Variants in GPRIN3 observed in about 807,000 individuals in gnomAD.
The protein encoded by GPRIN3 is GPRIN family member 3.
Under a neutral mutation model 13.7 loss-of-function variants are expected in GPRIN3, and 12 were observed. That is an observed-to-expected ratio of 0.87 (90% CI 0.56 to 1.42). The LOEUF is 1.42. Ranked by LOEUF, GPRIN3 falls within the 40% of genes most tolerant of loss-of-function variation. GPRIN3 has a pLI of 0.00. For missense variants in GPRIN3, 1,009 were observed against 958.7 expected, an observed-to-expected ratio of 1.05 and a Z score of -0.69; for synonymous variants, 377 against 372.7, an observed-to-expected ratio of 1.01 and a Z score of -0.13.
At chr4:89,306,744 T>C (rs1725044009) in intron 1 of GPRIN3, among the ~76,000 whole-genome samples, 2 of 152,176 alleles carry the variant, frequency 1.3e-5, no homozygotes, top group South Asian at 4.1e-4. Flanking sequence ...AACCTTGAAC[T>C]GCCTACACCC....
intron 1 of GPRIN3, among the ~76,000 whole-genome samples, chr4:89,286,538 T>C (rs1357916258): frequency 6.6e-6 from 1 of 152,204 alleles, no homozygotes; most frequent in Non-Finnish European, 1.5e-5. Context: ...AAAAGTTTTA[T>C]AGTTCTCTTG....
rs570267032 is a variant in GPRIN3, at chr4:89,247,704, A to C, written c.*76T>G. ...TTTCTTCCTAGTCTTGCAGCAAAAA[A>C]CTAAGCAAGCTTTGACATAGAGGGA... On this transcript the variant is annotated 3_prime_UTR_variant, in exon 2 of 2. Transcript: ENST00000609438. 5.5e-6 allele frequency: 8 copies of C among 1,452,470 alleles called. No homozygotes were observed. The East Asian group carries it at 1.8e-4, about 33-fold the overall frequency. The allele number at this position is 1,452,470 out of a possible 1,614,324, so 90.0% of individuals were successfully genotyped here.
intron 1 of GPRIN3, among the ~76,000 whole-genome samples, chr4:89,306,045 A>G (rs1725024915): frequency 6.6e-6 from 1 of 152,150 alleles, no homozygotes; most frequent in East Asian, 1.9e-4. Flanking sequence ...CTAGGCCTGC[A>G]ATTGCAATTG....
chr4:89,288,435 C>T (rs995440560), intron 1 of GPRIN3, among the ~76,000 whole-genome samples: 5 of 152,216 alleles, frequency 3.3e-5, no homozygotes, highest in Admixed American at 3.3e-4. Flanking sequence ...AAATGATTTT[C>T]TGGGTCAACT....
Position 89,239,643 on chromosome 4 carries a change from G to A in GPRIN3, c.*8137C>T, listed in dbSNP as rs1016879168. 6.6e-6 allele frequency: 1 copy of A among 152,096 alleles called. No homozygotes were observed. Among genetic ancestry groups the A allele is most frequent in the Non-Finnish European group, 1.5e-5 (1 of 68,020 alleles). 9.4% of individuals were successfully genotyped at this position (152,096 alleles called of 1,614,324 possible). ...GCCAAATGGAATTCTCTATCAAGGG[G>A]TGATTCTGGTATTTCCATTTATATT... On this transcript the variant is annotated 3_prime_UTR_variant, in exon 2 of 2. Coordinates refer to ENST00000609438, the MANE Select transcript of GPRIN3 (RefSeq NM_198281.3).
intron 1 of GPRIN3, among the ~76,000 whole-genome samples, chr4:89,299,374 G>A (rs1724831053): frequency 6.6e-6 from 1 of 152,136 alleles, no homozygotes. Context: ...GCACGAAGTG[G>A]GGGTGGTATG....
chr4:89,269,802 A>C (rs1723878407), intron 1 of GPRIN3, among the ~76,000 whole-genome samples: 1 of 152,216 alleles, frequency 6.6e-6, no homozygotes, highest in Non-Finnish European at 1.5e-5. Flanking sequence ...ATGTGGTTTG[A>C]GCACATAACC....
intron 1 of GPRIN3, among the ~76,000 whole-genome samples, chr4:89,255,496 AAT>A (rs1723441961): frequency 6.6e-6 from 1 of 152,188 alleles, no homozygotes; most frequent in Non-Finnish European, 1.5e-5. Flanking sequence ...AGAATATTGC[AAT>A]AGAGTAGAGA....
chr4:89,295,957 T>C lies in GPRIN3; in HGVS notation c.-124+11658A>G, dbSNP rs150130710. 8.5e-5 allele frequency among the ~76,000 whole-genome samples: 13 copies of C among 152,338 alleles called. 1 individual carries two copies. Among genetic ancestry groups the C allele is most frequent in the African/African-American group, 3.1e-4 (13 of 41,582 alleles). On this transcript the variant is annotated intron_variant, in intron 1 of 1. Coordinates refer to ENST00000609438, the MANE Select transcript of GPRIN3 (RefSeq NM_198281.3). ...AATTACAGGTTTGATGTACTTGTTA[T>C]ATTATTTTTTGTAGCATATATTTTT...
chr4:89,303,829 A>G lies in GPRIN3; in HGVS notation c.-124+3786T>C, dbSNP rs1013859857. Reference sequence around the variant, plus strand: ...TAAAAAATATATAAAATATGTATGTATGTATCTTATAACATCACGTTGTAT... The same window carrying G: ...TAAAAAATATATAAAATATGTATGTGTGTATCTTATAACATCACGTTGTAT... On this transcript the variant is annotated intron_variant, in intron 1 of 1. Coordinates refer to ENST00000609438, the MANE Select transcript of GPRIN3 (RefSeq NM_198281.3). Among the ~76,000 whole-genome samples the G allele has an allele frequency of 3.3e-5, 5 of 150,446 alleles. No homozygotes were observed. The Admixed American group carries it at 3.3e-4, about 10-fold the overall frequency.
In GPRIN3 at chr4:89,237,361, A is replaced by T. The variant is rs1722814571; in HGVS notation, c.*10419T>A. 6.6e-6 allele frequency: 1 copy of T among 152,214 alleles called. No homozygotes were observed. Among genetic ancestry groups the T allele is most frequent in the Non-Finnish European group, 1.5e-5 (1 of 68,050 alleles). 9.4% of individuals were successfully genotyped at this position (152,214 alleles called of 1,614,324 possible). ...GAAGTTCATTAAGAATGTGTATGCCATGGTCTAAATGTCTGTATCCCTCCA... is the reference window on the plus strand; with the variant it reads ...GAAGTTCATTAAGAATGTGTATGCCTTGGTCTAAATGTCTGTATCCCTCCA... On this transcript the variant is annotated 3_prime_UTR_variant, in exon 2 of 2. Transcript: ENST00000609438.
intron 1 of GPRIN3, among the ~76,000 whole-genome samples, chr4:89,272,640 T>C (rs1243706042): frequency 4.6e-5 from 7 of 152,182 alleles, no homozygotes; most frequent in Non-Finnish European, 2.9e-5. Flanking sequence ...ATTTAGGCTA[T>C]CACAAACTTT....
intron 1 of GPRIN3, among the ~76,000 whole-genome samples, chr4:89,258,559 A>G (rs1723544784): frequency 6.6e-6 from 1 of 152,168 alleles, no homozygotes; most frequent in Non-Finnish European, 1.5e-5. Context: ...GTGGAAAATC[A>G]TGGAAAAATG....
chr4:89,248,441 G>T lies in GPRIN3; in HGVS notation c.1670C>A (p.Ser557Ter). ...ATTGAGCAGTAGGGTTTTGGCATCCGAGGTATCAGTGCCAGTAGACTCTTT... is the reference window on the plus strand; with the variant it reads ...ATTGAGCAGTAGGGTTTTGGCATCCTAGGTATCAGTGCCAGTAGACTCTTT... ...KEKESTGTDT[S>*]DAKTLLLNPK... is the part of the protein sequence containing the mutation. The change falls in exon 2 of 2, where the codon TCG becomes TAG. Residue 557 changes from serine to a stop codon, truncating the protein, a stop_gained. Transcript: ENST00000609438. LOFTEE classifies it low-confidence loss of function (END_TRUNC). The T allele has an allele frequency of 1.2e-6, 2 of 1,614,084 alleles. No homozygotes were observed. Among genetic ancestry groups the T allele is most frequent in the Non-Finnish European group, 1.7e-6 (2 of 1,179,976 alleles).
At position 89,254,305 on chromosome 4, in the gene GPRIN3, G is replaced by C. The variant is rs114509804; in HGVS notation, c.-123-4072C>G. Among the ~76,000 whole-genome samples the C allele has an allele frequency of 5.3e-3, 808 of 151,890 alleles. 7 individuals carry two copies. The highest frequency in any genetic ancestry group is 0.018 in the African/African-American group (750 of 41,374). Reference sequence around the variant, plus strand: ...GGGTAAACTCATGTAACAGGGGTTTGCTGAACAGATTATTTCATCACCCAG... The same window carrying C: ...GGGTAAACTCATGTAACAGGGGTTTCCTGAACAGATTATTTCATCACCCAG... On this transcript the variant is annotated intron_variant, in intron 1 of 1. Coordinates refer to ENST00000609438, the MANE Select transcript of GPRIN3 (RefSeq NM_198281.3).
rs143922574 is a variant in GPRIN3 at position 89,237,175 on chromosome 4, T to G, written c.*10605A>C. 4 of 152,284 alleles carry G rather than the reference T, an allele frequency of 2.6e-5. No homozygotes were observed. The highest frequency in any genetic ancestry group is 2.9e-5 in the Non-Finnish European group (2 of 68,010). 9.4% of individuals were successfully genotyped at this position (152,284 alleles called of 1,614,324 possible). Reference sequence around the variant, plus strand: ...CACTTTCAGCTTCCATCCAGACAATTTGAATTTCAACTATGTTAGACCTCT... The same window carrying G: ...CACTTTCAGCTTCCATCCAGACAATGTGAATTTCAACTATGTTAGACCTCT... On this transcript the variant is annotated 3_prime_UTR_variant, in exon 2 of 2. Transcript: ENST00000609438.
At chr4:89,291,690 T>C (rs930240314) in intron 1 of GPRIN3, among the ~76,000 whole-genome samples, 1 of 152,190 alleles carries the variant, frequency 6.6e-6, no homozygotes, top group Non-Finnish European at 1.5e-5. Context: ...GGAGTGGTCA[T>C]ATGGTAAGTG....
intron 1 of GPRIN3, among the ~76,000 whole-genome samples, chr4:89,300,042 A>G (rs1367750896): frequency 6.6e-6 from 1 of 152,118 alleles, no homozygotes; most frequent in Non-Finnish European, 1.5e-5. Context: ...GTTATTCTTT[A>G]ACAGACTACG....
In GPRIN3 at chr4:89,242,463, T is replaced by C. The variant is rs955012712; in HGVS notation, c.*5317A>G. The C allele has an allele frequency of 1.3e-5, 2 of 152,234 alleles. No individual in the cohort carries two copies. The highest frequency in any genetic ancestry group is 4.8e-5 in the African/African-American group (2 of 41,472). The allele number at this position is 152,234 out of a possible 1,614,324, so 9.4% of individuals were successfully genotyped here. On this transcript the variant is annotated 3_prime_UTR_variant, in exon 2 of 2. Transcript: ENST00000609438. ...TTCTGGTTGCAGCTGTCTTGAGTTT[T>C]AAGCCAGCAAGACTTTGAGTGGCTC...
Sources: allele counts gnomAD v4.1 joint callset (sites outside exome capture counted in the v4.1 genomes callset), GRCh38; gene constraint gnomAD v4.1.1; transcripts MANE v1.5; gene names NCBI Gene and HGNC (gene_info 2026-07-23, HGNC 2026-07-21).